Variants in CELA2A observed in about 807,000 individuals in gnomAD.
CELA2A encodes the protein chymotrypsin-like elastase family member 2A.
In CELA2A, 31 loss-of-function variants were observed where a neutral mutation model predicts 35.3. The ratio of observed to expected loss-of-function variants is 0.88; its 90% CI spans 0.66 to 1.19. The LOEUF is 1.19. Among genes scored for constraint, CELA2A ranks in the 50% most tolerant of loss-of-function variants. The pLI, the probability that CELA2A is intolerant of heterozygous loss-of-function variation, is 0.00. For synonymous variants in CELA2A, 150 were observed against 149.8 expected (o/e 1.00, Z -0.01); for missense variants, 330 against 352.9 (o/e 0.94, Z 0.52).
rs775471073 is a variant in CELA2A at position 15,457,138 on chromosome 1, C to T, written c.93C>T (p.Gly31=). 13 of 1,613,980 alleles carry T rather than the reference C, an allele frequency of 8.1e-6. No individual in the cohort carries two copies. In the East Asian group the frequency reaches 1.1e-4, roughly 14 times the overall value. ...CACCTTATGTGACTAGGGTGGTTGGCGGTGAAGAAGCGAGGCCCAACAGCT... is the reference window on the plus strand; with the variant it reads ...CACCTTATGTGACTAGGGTGGTTGGTGGTGAAGAAGCGAGGCCCAACAGCT... The part of the protein sequence containing the change: ...TYPPYVTRVV[G]GEEARPNSWP... Residue 31 remains glycine (G), a synonymous_variant, in exon 2 of 8, where the codon GGC becomes GGT. Transcript: ENST00000359621.
intron 6 of CELA2A, among the ~76,000 whole-genome samples, chr1:15,466,547 G>A (rs1480208244): frequency 6.6e-6 from 1 of 151,532 alleles, no homozygotes. Context: ...GGGTGACAGA[G>A]CGAAACTCAA....
Position 15,462,779 on chromosome 1 carries a change from G to C in CELA2A, c.274G>C (p.Val92Leu), listed in dbSNP as rs141105892. The change falls in exon 4 of 8, where the codon GTT becomes CTT. Residue 92 changes from valine (V) to leucine (L), a missense_variant. Val to Leu is a conservative substitution (Grantham distance 32). Coordinates refer to ENST00000359621, the MANE Select transcript of CELA2A (RefSeq NM_033440.3). ...RVGLGRHNLY[V>L]AESGSLAVSV... ...GGGGCTGGGCCGGCACAACCTCTAC[G>C]TTGCGGAGTCCGGCTCGCTGGCAGT... The C allele has an allele frequency of 1.9e-6, 3 of 1,614,114 alleles. No homozygotes were observed. Among genetic ancestry groups the C allele is most frequent in the African/African-American group, 2.7e-5 (2 of 75,036 alleles).
intron 5 of CELA2A, among the ~76,000 whole-genome samples, chr1:15,464,895 G>A (rs530553423): frequency 6.6e-6 from 1 of 152,106 alleles, no homozygotes; most frequent in Admixed American, 6.6e-5. Flanking sequence ...AACACTGTTG[G>A]TGAAGACTAA....
rs149796192 is a variant in CELA2A, at chr1:15,471,826, C to CT, written c.793-157dup. On this transcript the variant is annotated intron_variant, in intron 7 of 7. Coordinates refer to ENST00000359621, the MANE Select transcript of CELA2A (RefSeq NM_033440.3). Reference sequence around the variant, plus strand: ...GGTCAATGAAAAGCTGTGATCACATCTTTTTTTCCGAAACGTCATCAGAAC... The same window carrying CT: ...GGTCAATGAAAAGCTGTGATCACATCTTTTTTTTCCGAAACGTCATCAGAAC... Among the ~76,000 whole-genome samples the CT allele has an allele frequency of 1.6e-3, 242 of 152,180 alleles. 1 individual carries two copies. The highest frequency in any genetic ancestry group is 5.4e-3 in the African/African-American group (224 of 41,534).
At chr1:15,467,604 G>A (rs1321184653) in intron 7 of CELA2A, 66 bp downstream of exon 7, 1 of 1,565,602 alleles carries the variant, frequency 6.4e-7, no homozygotes, top group Non-Finnish European at 8.7e-7. Flanking sequence ...GGAGTGCCAT[G>A]CCCACCTGGT....
At chr1:15,470,127 C>T (rs937774456) in intron 7 of CELA2A, among the ~76,000 whole-genome samples, 21 of 152,146 alleles carry the variant, frequency 1.4e-4, no homozygotes, top group South Asian at 4.1e-4. Context: ...TGCCCGGTAA[C>T]GGGTTTCAGA....
intron 2 of CELA2A, among the ~76,000 whole-genome samples, chr1:15,458,036 A>C (rs527850883): frequency 6.6e-6 from 1 of 152,232 alleles, no homozygotes; most frequent in African/African-American, 2.4e-5. Flanking sequence ...AAACAAATAT[A>C]GTGAAATCTC....
chr1:15,471,009 G>A (rs1268264263), intron 7 of CELA2A, among the ~76,000 whole-genome samples: 1 of 152,172 alleles, frequency 6.6e-6, no homozygotes, highest in African/African-American at 2.4e-5. Flanking sequence ...TTCTGCAGCT[G>A]TTTTTCACTT....
chr1:15,462,925 A>G (rs527616408), intron 4 of CELA2A, 64 bp downstream of exon 4: 4 of 1,609,060 alleles, frequency 2.5e-6, no homozygotes, highest in Non-Finnish European at 3.4e-6. Context: ...GGTCTCACAG[A>G]GGCAAGGGTC....
Position 15,466,002 on chromosome 1 carries a change from A to G in CELA2A, c.497A>G (p.Asn166Ser), listed in dbSNP as rs141015619. ...YVTGWGRLQT[N>S]GAVPDVLQQG... The stretch of plus-strand genomic sequence containing the variant: ...GCTTCTCTCTGATCTCATTCAGCCA[A>G]CGGGGCTGTTCCTGATGTCCTGCAG... Residue 166 changes from asparagine (N) to serine (S), a missense_variant, in exon 6 of 8, where the codon AAC becomes AGC. Coordinates refer to ENST00000359621, the MANE Select transcript of CELA2A (RefSeq NM_033440.3). 7.5e-5 allele frequency: 121 copies of G among 1,614,014 alleles called. No individual in the cohort carries two copies. The highest frequency in any genetic ancestry group is 1.5e-4 in the Admixed American group (9 of 60,002).
At chr1:15,461,481 G>A (rs1450454276) in intron 2 of CELA2A, 80 bp from the exon 3 acceptor site, 2 of 1,506,790 alleles carry the variant, frequency 1.3e-6, no homozygotes, top group Non-Finnish European at 1.8e-6. Context: ...CCTTGTCCCA[G>A]CCCCGTTCTT....
rs916783644 is a variant in CELA2A at position 15,467,934 on chromosome 1, C to CA, written c.792+404dup. 1.4e-3 allele frequency among the ~76,000 whole-genome samples: 219 copies of CA among 151,118 alleles called. 1 individual carries two copies. Among genetic ancestry groups the CA allele is most frequent in the African/African-American group, 3.9e-3 (162 of 41,240 alleles). On this transcript the variant is annotated intron_variant, in intron 7 of 7. Transcript: ENST00000359621. ...AAACCCCATGTCTACTAAAAAAATC[C>CA]AAAAAAAATTAGCCAGGTGTGGTAG... is the stretch of plus-strand genomic sequence containing the variant.
chr1:15,466,769 G>A (rs1215524966), intron 6 of CELA2A, among the ~76,000 whole-genome samples: 1 of 152,156 alleles, frequency 6.6e-6, no homozygotes, highest in Non-Finnish European at 1.5e-5. Flanking sequence ...TTTCTACGAT[G>A]ACTTCTGGTT....
chr1:15,460,181 G>A (rs190116689), intron 2 of CELA2A, among the ~76,000 whole-genome samples: 67 of 152,120 alleles, frequency 4.4e-4, no homozygotes, highest in African/African-American at 1.3e-3. Context: ...GGGTTAGCCC[G>A]GGGGGCGAAT....
At chr1:15,466,566 A>C (rs1325419674) in intron 6 of CELA2A, among the ~76,000 whole-genome samples, 3 of 151,970 alleles carry the variant, frequency 2.0e-5, no homozygotes, top group Non-Finnish European at 4.4e-5. Flanking sequence ...AAAAAAAAAA[A>C]CAAAAAAACT....
rs543718656 is a variant in CELA2A at position 15,469,514 on chromosome 1, G to A, written c.792+1976G>A. 2.0e-4 allele frequency among the ~76,000 whole-genome samples: 30 copies of A among 152,288 alleles called. 1 individual carries two copies. In the South Asian group the frequency reaches 5.0e-3, roughly 25 times the overall value. On this transcript the variant is annotated intron_variant, in intron 7 of 7. Coordinates refer to ENST00000359621, the MANE Select transcript of CELA2A (RefSeq NM_033440.3). ...AATATGAAACTGCAGCCATGAGCAC[G>A]TGGTCACAGGAGGAAAACTAAACTG...
At chr1:15,460,651 CTTT>C (rs35179054) in intron 2 of CELA2A, among the ~76,000 whole-genome samples, 8 of 144,860 alleles carry the variant, frequency 5.5e-5, no homozygotes, top group Admixed American at 6.8e-5. Flanking sequence ...CCTTAAAGTT[CTTT>C]TTTTTTTTTT....
In CELA2A at chr1:15,462,838, G is replaced by C. The variant is rs1303821741; in HGVS notation, c.333G>C (p.Trp111Cys). 3 of 1,614,014 alleles carry C rather than the reference G, an allele frequency of 1.9e-6. No individual in the cohort carries two copies. The highest frequency in any genetic ancestry group is 2.5e-6 in the Non-Finnish European group (3 of 1,180,018). The part of the protein sequence containing the change: ...SVSKIVVHKD[W>C]NSNQISKGND... ...CTAAGATTGTGGTGCACAAGGACTG[G>C]AACTCCAACCAAATCTCCAAAGGGT... The change falls in exon 4 of 8, where the codon TGG becomes TGC. Residue 111 changes from tryptophan to cysteine, a missense_variant. Trp to Cys is a radical substitution (Grantham distance 215, BLOSUM62 -2). Transcript: ENST00000359621.
At chr1:15,471,375 C>T (rs1708591865) in intron 7 of CELA2A, among the ~76,000 whole-genome samples, 1 of 152,064 alleles carries the variant, frequency 6.6e-6, no homozygotes, top group Non-Finnish European at 1.5e-5. Context: ...GGTGAAACCT[C>T]ATCTCTACTA....
Sources: gnomAD v4.1 joint callset for allele counts (sites outside exome capture counted in the v4.1 genomes callset) on GRCh38, gnomAD v4.1.1 for gene constraint, MANE v1.5 for transcripts, NCBI Gene and HGNC (gene_info 2026-07-23, HGNC 2026-07-21) for gene names.